CCDC85C: variants seen among roughly 807,000 people sequenced by gnomAD.
The protein encoded by CCDC85C is coiled-coil domain containing 85C.
In CCDC85C, 18 loss-of-function variants were observed where a neutral mutation model predicts 38.3. The ratio of observed to expected loss-of-function variants is 0.47; its 90% CI spans 0.33 to 0.70. The LOEUF is 0.70. CCDC85C is among the 30% of genes least tolerant of loss of function. The pLI is 0.03. For synonymous variants in CCDC85C, 264 were observed against 293.8 expected (o/e 0.90, Z 1.04); for missense variants, 566 against 621.2 (o/e 0.91, Z 0.94).
chr14:99,553,585 G>A (rs1264331845), intron 1 of CCDC85C, among the ~76,000 whole-genome samples: 4 of 152,114 alleles, frequency 2.6e-5, no homozygotes, highest in African/African-American at 7.2e-5. Flanking sequence ...GGCTGGTCTC[G>A]AACTCCTGAC....
chr14:99,552,242 C>G (rs1218760364), intron 1 of CCDC85C, among the ~76,000 whole-genome samples: 1 of 152,216 alleles, frequency 6.6e-6, no homozygotes, highest in Non-Finnish European at 1.5e-5. Flanking sequence ...TAGGCAGGAC[C>G]TGGGCCACAC....
intron 1 of CCDC85C, among the ~76,000 whole-genome samples, chr14:99,574,316 T>G (rs959098453): frequency 2.6e-5 from 4 of 152,040 alleles, no homozygotes; most frequent in Non-Finnish European, 5.9e-5. Flanking sequence ...GCAGAAGCAG[T>G]TAGATCTGAT....
chr14:99,502,816 T>C lies in CCDC85C; in HGVS notation c.*12430A>G. ...TGCAACAGCCCCCATCTCTTCAGCC[T>C]ACACCACAAGTGCCGCAAGTACAGC... On this transcript the variant is annotated 3_prime_UTR_variant, in exon 6 of 6. Transcript: ENST00000380243. 6.2e-7 allele frequency: 1 copy of C among 1,613,734 alleles called. No individual in the cohort carries two copies. Among genetic ancestry groups the C allele is most frequent in the Admixed American group, 1.7e-5 (1 of 60,004 alleles).
intron 1 of CCDC85C, among the ~76,000 whole-genome samples, chr14:99,566,997 CAA>C (rs1898228323): frequency 6.6e-6 from 1 of 152,194 alleles, no homozygotes; most frequent in Non-Finnish European, 1.5e-5. Flanking sequence ...GCTCCAGCCT[CAA>C]GAGGGCCCGA....
At chr14:99,540,348 G>C (rs577720663) in intron 1 of CCDC85C, among the ~76,000 whole-genome samples, 1 of 152,268 alleles carries the variant, frequency 6.6e-6, no homozygotes, top group African/African-American at 2.4e-5. Flanking sequence ...TCTTCAGACA[G>C]GAAGAACAAG....
At chr14:99,573,906 C>A (rs1219569381) in intron 1 of CCDC85C, among the ~76,000 whole-genome samples, 1 of 152,174 alleles carries the variant, frequency 6.6e-6, no homozygotes, top group Non-Finnish European at 1.5e-5. Context: ...GAGGGGCATG[C>A]GCTGGGGCCT....
intron 1 of CCDC85C, among the ~76,000 whole-genome samples, chr14:99,559,933 G>A (rs1488141918): frequency 6.6e-6 from 1 of 152,104 alleles, no homozygotes; most frequent in African/African-American, 2.4e-5. Flanking sequence ...GGACTGGGTT[G>A]CATGGGTCTG....
At chr14:99,534,823 C>A in intron 2 of CCDC85C, 1 of 658,930 alleles carries the variant, frequency 1.5e-6, no homozygotes. Context: ...AGCCCTTCAC[C>A]ATAGGGCACC....
chr14:99,527,588 C>T (rs540673423), intron 2 of CCDC85C, among the ~76,000 whole-genome samples: 4 of 152,276 alleles, frequency 2.6e-5, no homozygotes, highest in African/African-American at 7.2e-5. Flanking sequence ...TCCCCAGTCC[C>T]AGGCCCTGTC....
intron 1 of CCDC85C, among the ~76,000 whole-genome samples, chr14:99,546,612 C>T (rs973987505): frequency 2.6e-5 from 4 of 152,046 alleles, no homozygotes; most frequent in African/African-American, 7.3e-5. Flanking sequence ...ATTCCTAGGG[C>T]GATGGGAGTT....
intron 2 of CCDC85C, among the ~76,000 whole-genome samples, chr14:99,530,664 C>A (rs1231404625): frequency 2.0e-5 from 3 of 152,256 alleles, no homozygotes; most frequent in African/African-American, 7.2e-5. Context: ...GCAGAGGGCA[C>A]ATGGTCAGCC....
intron 1 of CCDC85C, among the ~76,000 whole-genome samples, chr14:99,541,307 C>G (rs1392529718): frequency 6.6e-6 from 1 of 152,234 alleles, no homozygotes; most frequent in African/African-American, 2.4e-5. Context: ...ACCCCGCACC[C>G]CAAGCTGGGG....
Position 99,576,118 on chromosome 14 carries a change from C to G in CCDC85C, c.793+27049G>C, listed in dbSNP as rs917550886. Among the ~76,000 whole-genome samples the G allele has an allele frequency of 6.6e-6, 1 of 152,204 alleles. No homozygotes were observed. Among genetic ancestry groups the G allele is most frequent in the African/African-American group, 2.4e-5 (1 of 41,448 alleles). On this transcript the variant is annotated intron_variant, in intron 1 of 5. Coordinates refer to ENST00000380243, the MANE Select transcript of CCDC85C (RefSeq NM_001144995.2). This position sits in a 1 kb window ranked among gnomAD's most constrained non-coding sequence, Gnocchi z 4.8. ...TAATGGCCACATCTTCCTCCATCCC[C>G]AAAAAGTAGCCACAATCCCACAAAG...
At chr14:99,553,714 T>G (rs4905851) in intron 1 of CCDC85C, among the ~76,000 whole-genome samples, 80,776 of 151,976 alleles carry the variant, frequency 0.53, 21,648 homozygotes, top group African/African-American at 0.58. Context: ...TCTGTAAAGG[T>G]AGGCTGTTCA....
At chr14:99,555,427 A>C (rs1449035793) in intron 1 of CCDC85C, among the ~76,000 whole-genome samples, 1 of 152,172 alleles carries the variant, frequency 6.6e-6, no homozygotes, top group Non-Finnish European at 1.5e-5. Context: ...GCCCTGCCCC[A>C]CAGCTGTCCT....
chr14:99,568,246 C>CTTTTTTTTTTTTTTTTTTTTTT, intron 1 of CCDC85C, among the ~76,000 whole-genome samples: 1 of 114,488 alleles, frequency 8.7e-6, no homozygotes, highest in Non-Finnish European at 1.7e-5. Context: ...GCCACCTGCC[C>CTTTTTTTTTTTTTTTTTTTTTT]TTTATTTTTT....
At chr14:99,587,164 C>T (rs1266393016) in intron 1 of CCDC85C, among the ~76,000 whole-genome samples, 1 of 152,232 alleles carries the variant, frequency 6.6e-6, no homozygotes, top group African/African-American at 2.4e-5. Flanking sequence ...CACCATGGGG[C>T]ATTAAAAGGA....
intron 1 of CCDC85C, among the ~76,000 whole-genome samples, chr14:99,536,644 T>C (rs758610979): frequency 5.3e-5 from 8 of 152,216 alleles, no homozygotes; most frequent in Non-Finnish European, 1.2e-4. Context: ...ACAAGCTATG[T>C]GTGCCCACAG....
Position 99,535,027 on chromosome 14 carries a change from C to A in CCDC85C, c.867+988G>T, listed in dbSNP as rs1272914293. ...CCCCACAGCCCACAAAGGGGTGAGA[C>A]GTGAGGATGACCTCAGTGGGAGCTG... On this transcript the variant is annotated intron_variant, in intron 2 of 5. Coordinates refer to ENST00000380243, the MANE Select transcript of CCDC85C (RefSeq NM_001144995.2). This position sits in a 1 kb window ranked among gnomAD's most constrained non-coding sequence, Gnocchi z 5.5. 8.9e-6 allele frequency: 3 copies of A among 335,274 alleles called. No individual in the cohort carries two copies. The highest frequency in any genetic ancestry group is 4.3e-5 in the African/African-American group (2 of 46,044). The allele number at this position is 335,274 out of a possible 1,614,324, so 20.8% of individuals were successfully genotyped here.
Sources: allele counts gnomAD v4.1 joint callset (sites outside exome capture counted in the v4.1 genomes callset), GRCh38; gene constraint gnomAD v4.1.1; non-coding constraint Gnocchi (gnomAD v3.1); transcripts MANE v1.5; gene names NCBI Gene and HGNC (gene_info 2026-07-23, HGNC 2026-07-21).